Variants in CUBN observed in about 807,000 individuals in gnomAD.
CUBN encodes 460 kDa receptor.
Under a neutral mutation model 405.3 loss-of-function variants are expected in CUBN, and 282 were observed. The ratio of observed to expected loss-of-function variants is 0.70; its 90% CI spans 0.63 to 0.77. CUBN has a LOEUF of 0.77. Ranked by LOEUF, CUBN falls within the 30% of genes least tolerant of loss-of-function variation. The pLI is 0.00. For missense variants in CUBN, 4,514 were observed against 4,475.2 expected, an observed-to-expected ratio of 1.01 and a Z score of -0.25; for synonymous variants, 1,684 against 1,617.0, an observed-to-expected ratio of 1.04 and a Z score of -0.99.
intron 56 of CUBN, among the ~76,000 whole-genome samples, chr10:16,887,190 A>G (rs893355473): frequency 1.3e-5 from 2 of 152,260 alleles, no homozygotes; most frequent in Admixed American, 6.5e-5. Context: ...TAGTGTGTGC[A>G]TGAATGTGGG....
chr10:17,036,055 T>C (rs1193486907), intron 27 of CUBN, among the ~76,000 whole-genome samples: 1 of 152,110 alleles, frequency 6.6e-6, no homozygotes. Flanking sequence ...CAGCGGAATC[T>C]ATGCCCCTGC....
Position 17,071,441 on chromosome 10 carries a change from T to C in CUBN, c.2610A>G (p.Glu870=), listed in dbSNP as rs143471343. 3.8e-5 allele frequency: 61 copies of C among 1,613,866 alleles called. 1 individual carries two copies. Among genetic ancestry groups the C allele is most frequent in the South Asian group, 1.1e-4 (10 of 91,076 alleles). ...TCCCTCTTACCTCAACATAATCTGT[T>C]TCACAGTGGGCAGAACTTCCAATTT... ...VFEIGSSAHC[E]TDYVEIGSSS... is the part of the protein sequence containing the mutation. Residue 870 remains glutamate (E), a synonymous_variant, in exon 19 of 67, where the codon GAA becomes GAG. Transcript: ENST00000377833.
rs1477642962 is a variant in CUBN, at chr10:17,045,956, A to C, written c.3468T>G (p.Ala1156=). The C allele has an allele frequency of 6.2e-7, 1 of 1,614,006 alleles. No individual in the cohort carries two copies. The highest frequency in any genetic ancestry group is 1.1e-5 in the South Asian group (1 of 91,082). Residue 1156 remains alanine (A), a synonymous_variant, in exon 24 of 67, where the codon GCT becomes GCG. Transcript: ENST00000377833. ...DQIDTRSGFS[A]YWDGSSTGCG... ...TACCTGTTGATGACCCATCCCAGTA[A>C]GCTGAGAATCCAGACCTTGTGTCTA...
Position 16,954,403 on chromosome 10 carries a change from G to A in CUBN, c.4841C>T (p.Ala1614Val). Residue 1614 changes from alanine (A) to valine (V), a missense_variant, in exon 32 of 67, where the codon GCT becomes GTT. Around this residue, in one of 5 missense-constraint regions of CUBN, gnomAD observed 1,613 missense variants for 1,542.8 expected, o/e 1.05. Coordinates refer to ENST00000377833, the MANE Select transcript of CUBN (RefSeq NM_001081.4). ...AGGGTACTTGCCTTGCCTGAATTGA[G>A]CTCGGAAGCCTCTGTTCTGTCTGGA... Reference protein sequence around the residue: ...GPSRQNRGFRAQFRQACGGHI... With the variant: ...GPSRQNRGFRVQFRQACGGHI... 1 of 1,614,144 alleles carries A rather than the reference G, an allele frequency of 6.2e-7. No individual in the cohort carries two copies. Among genetic ancestry groups the A allele is most frequent in the Non-Finnish European group, 8.5e-7 (1 of 1,180,020 alleles).
intron 13 of CUBN, among the ~76,000 whole-genome samples, chr10:17,100,638 C>A (rs1184918386): frequency 6.6e-6 from 1 of 152,024 alleles, no homozygotes; most frequent in African/African-American, 2.4e-5. Context: ...GAATGTACAC[C>A]CTAATTCCCT....
chr10:16,867,652 G>A (rs1840225603), intron 59 of CUBN, among the ~76,000 whole-genome samples: 1 of 152,228 alleles, frequency 6.6e-6, no homozygotes, highest in African/African-American at 2.4e-5. Context: ...ATGCTGGCAA[G>A]GAGTTCCGTT....
chr10:17,026,489 C>A (rs915077125), intron 27 of CUBN, among the ~76,000 whole-genome samples: 1 of 151,804 alleles, frequency 6.6e-6, no homozygotes, highest in Admixed American at 6.6e-5. Flanking sequence ...AAAAATTAGC[C>A]GGGTGTGGTG....
At chr10:16,834,933 C>T in intron 64 of CUBN, 81 bp downstream of exon 64, 1 of 1,249,474 alleles carries the variant, frequency 8.0e-7, no homozygotes, top group East Asian at 2.4e-5. Context: ...ATATTAGCAG[C>T]ACTAGATAAA....
At chr10:16,831,536 T>A in intron 64 of CUBN, 119 bp from the exon 65 acceptor site, 3 of 936,184 alleles carry the variant, frequency 3.2e-6, no homozygotes, top group Non-Finnish European at 3.4e-6. Context: ...TTTATACAGT[T>A]AAGAATGAAG....
chr10:16,896,782 G>A (rs1178128877), intron 54 of CUBN, among the ~76,000 whole-genome samples: 1 of 152,186 alleles, frequency 6.6e-6, no homozygotes, highest in Non-Finnish European at 1.5e-5. Context: ...CTCCCTTTGA[G>A]AGAATGTTGA....
Position 16,901,918 on chromosome 10 carries a change from T to TAC in CUBN, c.8063-461_8063-460dup, listed in dbSNP as rs1554790402. ...ATATATATATATATATATATATATA[T>TAC]ACACACACACACACACACCATATAT... On this transcript the variant is annotated intron_variant, in intron 51 of 66. Coordinates refer to ENST00000377833, the MANE Select transcript of CUBN (RefSeq NM_001081.4). Among the ~76,000 whole-genome samples the TAC allele has an allele frequency of 2.3e-3, 252 of 109,880 alleles. 2 individuals carry two copies. The highest frequency in any genetic ancestry group is 8.9e-3 in the African/African-American group (239 of 26,794). 72.1% of individuals were successfully genotyped at this position (109,880 alleles called of 152,430 possible).
Position 17,045,109 on chromosome 10 carries a change from T to C in CUBN, c.3570A>G (p.Glu1190=), listed in dbSNP as rs766624070. 6.2e-7 allele frequency: 1 copy of C among 1,614,026 alleles called. No homozygotes were observed. The highest frequency in any genetic ancestry group is 1.1e-5 in the South Asian group (1 of 91,068). ...GGCTAGATTTCAACCACCAGTAGCA[T>C]TCAGAGCTGTGGTAATAGGGCATCG... The part of the protein sequence containing the change: ...NYPMPYYHSS[E]CYWWLKSSHG... Residue 1190 remains glutamate, a synonymous_variant, in exon 25 of 67, where the codon GAA becomes GAG. Transcript: ENST00000377833.
rs755166213 is a variant in CUBN, at chr10:16,906,235, T to C, written c.7880A>G (p.Asp2627Gly). 6.2e-7 allele frequency: 1 copy of C among 1,614,086 alleles called. No individual in the cohort carries two copies. Among genetic ancestry groups the C allele is most frequent in the Non-Finnish European group, 8.5e-7 (1 of 1,179,920 alleles). ...AAACTCGAGGACATCAAATTGACAG[T>C]CTTGGTGACTTTCTAGGTAAAAATC... ...FEDFYLESHQ[D>G]CQFDVLEFRV... is the part of the protein sequence containing the mutation. Residue 2627 changes from aspartate (D) to glycine (G), a missense_variant, in exon 50 of 67, where the codon GAC becomes GGC. This residue lies in a region of CUBN where 25 missense variants were observed against 48.5 expected (regional missense o/e 0.52). Coordinates refer to ENST00000377833, the MANE Select transcript of CUBN (RefSeq NM_001081.4).
At chr10:16,980,770 C>T (rs970249749) in intron 31 of CUBN, among the ~76,000 whole-genome samples, 1 of 151,890 alleles carries the variant, frequency 6.6e-6, no homozygotes, top group African/African-American at 2.4e-5. Flanking sequence ...CAGCAAACCA[C>T]CATGGCACGT....
intron 54 of CUBN, 116 bp downstream of exon 54, chr10:16,898,880 C>G: frequency 1.3e-6 from 1 of 781,734 alleles, no homozygotes. Context: ...ACTTTTCATC[C>G]AAGGAATCCA....
intron 31 of CUBN, among the ~76,000 whole-genome samples, chr10:16,962,200 TAA>T (rs1843245438): frequency 6.6e-6 from 1 of 152,176 alleles, no homozygotes; most frequent in African/African-American, 2.4e-5. Flanking sequence ...TTCACAAGAA[TAA>T]GTTAAAAGAT....
intron 28 of CUBN, among the ~76,000 whole-genome samples, chr10:17,018,494 C>T (rs563801567): frequency 1.2e-4 from 19 of 152,242 alleles, no homozygotes; most frequent in Admixed American, 7.8e-4. Context: ...GGAATGAAGC[C>T]GCAGACCTTC....
intron 45 of CUBN, among the ~76,000 whole-genome samples, chr10:16,917,358 A>G (rs1841911762): frequency 6.6e-6 from 1 of 152,262 alleles, no homozygotes; most frequent in African/African-American, 2.4e-5. Flanking sequence ...ATACAGACAT[A>G]TAGACTGTTT....
chr10:16,877,529 G>C (rs1840547215), intron 56 of CUBN, among the ~76,000 whole-genome samples: 1 of 152,016 alleles, frequency 6.6e-6, no homozygotes, highest in African/African-American at 2.4e-5. Flanking sequence ...GGACCCTCTG[G>C]GACCCACAAA....
Sources: allele counts gnomAD v4.1 joint callset (sites outside exome capture counted in the v4.1 genomes callset), GRCh38; gene constraint gnomAD v4.1.1; regional missense constraint gnomAD v4.1.1; transcripts MANE v1.5; gene names NCBI Gene and HGNC (gene_info 2026-07-23, HGNC 2026-07-21).